SLC17A6: variants seen among roughly 807,000 people sequenced by gnomAD.
The protein encoded by SLC17A6 is vesicular glutamate transporter 2.
A neutral mutation model predicts 67.1 loss-of-function variants in SLC17A6; 35 were observed. That is an observed-to-expected ratio of 0.52 (90% CI 0.40 to 0.69). The LOEUF (loss-of-function observed/expected upper bound fraction) is 0.69, where lower values mean the gene tolerates loss of function less well. Among genes scored for constraint, SLC17A6 ranks in the 30% least tolerant of loss-of-function variants. The pLI is 0.00. For synonymous variants in SLC17A6, 285 were observed against 252.3 expected, an observed-to-expected ratio of 1.13 and a Z score of -1.23; for missense variants, 588 against 723.9, an observed-to-expected ratio of 0.81 and a Z score of 2.15.
At chr11:22,375,204 C>A (rs769454607) in intron 9 of SLC17A6, among the ~76,000 whole-genome samples, 1 of 151,418 alleles carries the variant, frequency 6.6e-6, no homozygotes, top group African/African-American at 2.4e-5. Flanking sequence ...AACCCCATCT[C>A]GACTAAAAAC....
intron 3 of SLC17A6, among the ~76,000 whole-genome samples, chr11:22,344,161 G>A (rs996073679): frequency 2.0e-5 from 3 of 152,140 alleles, no homozygotes; most frequent in Admixed American, 1.3e-4. Context: ...TGCTCTTCAC[G>A]TCTGAATTGT....
chr11:22,365,672 C>T lies in SLC17A6; in HGVS notation c.874C>T (p.Leu292Phe). ...IEESIGESAN[L>F]LGAMEKFKTP... ...AGAAAGCATTGGAGAGAGTGCAAAT[C>T]TTTTAGGTGCAATGGAAGTAAGAAA... Residue 292 changes from leucine (L) to phenylalanine (F), a missense_variant, in exon 7 of 12, where the codon CTT (leucine) becomes TTT (phenylalanine). Around this residue, in one of 4 missense-constraint regions of SLC17A6, gnomAD observed 414 missense variants for 563.4 expected, o/e 0.73. Transcript: ENST00000263160. 6.2e-7 allele frequency: 1 copy of T among 1,613,390 alleles called. No individual in the cohort carries two copies. Among genetic ancestry groups the T allele is most frequent in the Non-Finnish European group, 8.5e-7 (1 of 1,179,644 alleles).
chr11:22,342,986 A>G, intron 2 of SLC17A6: 1 of 564,682 alleles, frequency 1.8e-6, no homozygotes, highest in Non-Finnish European at 3.3e-6. Flanking sequence ...CATTCAGATG[A>G]TTCGATCTGC....
At chr11:22,360,798 G>A (rs1288087846) in intron 4 of SLC17A6, 99 bp from the exon 5 acceptor site, 2 of 905,688 alleles carry the variant, frequency 2.2e-6, no homozygotes, top group Non-Finnish European at 3.4e-6. Flanking sequence ...GAAAATTGAG[G>A]TGGAAGGAAG....
intron 6 of SLC17A6, 136 bp downstream of exon 6, chr11:22,362,961 A>G: frequency 1.5e-6 from 1 of 659,674 alleles, no homozygotes; most frequent in Non-Finnish European, 2.6e-6. Flanking sequence ...GAATCCTTCC[A>G]TTGTATTCTG....
chr11:22,353,573 A>G (rs1031192456), intron 3 of SLC17A6, among the ~76,000 whole-genome samples: 1 of 152,204 alleles, frequency 6.6e-6, no homozygotes, highest in African/African-American at 2.4e-5. Context: ...GTATCATGCT[A>G]TTTAAATGTC....
chr11:22,367,264 G>C (rs577431542), intron 7 of SLC17A6, among the ~76,000 whole-genome samples: 3 of 150,910 alleles, frequency 2.0e-5, no homozygotes, highest in East Asian at 3.9e-4. Context: ...GCCTGTCTTT[G>C]ACATCTCATC....
intron 8 of SLC17A6, among the ~76,000 whole-genome samples, chr11:22,371,190 G>A (rs911131407): frequency 3.9e-5 from 6 of 151,984 alleles, no homozygotes; most frequent in African/African-American, 9.7e-5. Flanking sequence ...TCTGCTCAAT[G>A]CCATCTCTGT....
chr11:22,376,945 T>A (rs1856238634), intron 11 of SLC17A6, among the ~76,000 whole-genome samples: 1 of 152,192 alleles, frequency 6.6e-6, no homozygotes, highest in South Asian at 2.1e-4. Context: ...GTCTCTAGCT[T>A]ATTAAAATAC....
At position 22,376,278 on chromosome 11, in the gene SLC17A6, C is replaced by A. The variant is rs73469718; in HGVS notation, c.1285+186C>A. On this transcript the variant is annotated intron_variant, in intron 10 of 11. Transcript: ENST00000263160. The stretch of plus-strand genomic sequence containing the variant: ...GAGAAAACATTTAGATTTGTTAATA[C>A]TCAATTTCCTCCTGGACTGCCTTTT... 8.7e-3 allele frequency among the ~76,000 whole-genome samples: 1,325 copies of A among 151,978 alleles called. 24 individuals carry two copies. The highest frequency in any genetic ancestry group is 0.03 in the African/African-American group (1,233 of 41,464).
intron 3 of SLC17A6, among the ~76,000 whole-genome samples, chr11:22,352,074 C>T (rs1321334288): frequency 1.4e-5 from 2 of 144,914 alleles, no homozygotes; most frequent in African/African-American, 5.1e-5. Flanking sequence ...TAAGAGGACA[C>T]CTTATCGCCT....
chr11:22,349,893 C>T (rs1590381542), intron 3 of SLC17A6, among the ~76,000 whole-genome samples: 1 of 152,070 alleles, frequency 6.6e-6, no homozygotes, highest in Admixed American at 6.6e-5. Flanking sequence ...TGCTGCAGAC[C>T]CTCCAGGAAA....
In SLC17A6 at chr11:22,362,641, G is replaced by A. The variant is rs1856066075; in HGVS notation, c.662-98G>A. On this transcript the variant is annotated intron_variant, in intron 5 of 11. Coordinates refer to ENST00000263160, the MANE Select transcript of SLC17A6 (RefSeq NM_020346.3). ...GGGTGTGAGGCCCATGTACCTGAGT[G>A]TTCCAGCGTCTGTGTGAATCAACAA... 3.1e-6 allele frequency: 3 copies of A among 966,116 alleles called. No individual in the cohort carries two copies. In the East Asian group the frequency reaches 7.4e-5, roughly 24 times the overall value. 59.8% of individuals were successfully genotyped at this position (966,116 alleles called of 1,614,324 possible). A position where few individuals can be genotyped will look rare whatever the true frequency, so the allele number is the denominator to read the frequency against.
chr11:22,358,751 G>A lies in SLC17A6; in HGVS notation c.459-662G>A, dbSNP rs927748405. 8.5e-5 allele frequency among the ~76,000 whole-genome samples: 13 copies of A among 152,230 alleles called. No individual in the cohort carries two copies. In the East Asian group the frequency reaches 2.5e-3, roughly 29 times the overall value. ...TTGAATGGTTGTATGTAGGCTGCTC[G>A]AGATGTGTCTCAAACAGAAGAAAAA... On this transcript the variant is annotated intron_variant, in intron 3 of 11. Coordinates refer to ENST00000263160, the MANE Select transcript of SLC17A6 (RefSeq NM_020346.3).
chr11:22,365,735 G>A (rs200666336), intron 7 of SLC17A6, 46 bp downstream of exon 7: 22 of 1,558,170 alleles, frequency 1.4e-5, no homozygotes, highest in East Asian at 1.2e-4. Context: ...TTCCCATCTC[G>A]CCCCCATTGA....
intron 8 of SLC17A6, among the ~76,000 whole-genome samples, chr11:22,372,755 C>T (rs1856188930): frequency 6.6e-6 from 1 of 152,178 alleles, no homozygotes; most frequent in East Asian, 1.9e-4. Context: ...AACATTTATC[C>T]TAGCCTTGCA....
At position 22,377,628 on chromosome 11, in the gene SLC17A6, C is replaced by T. The variant is rs1856246532; in HGVS notation, c.1637C>T (p.Ala546Val). 1.3e-5 allele frequency: 21 copies of T among 1,613,880 alleles called. No homozygotes were observed. Among genetic ancestry groups the T allele is most frequent in the Non-Finnish European group, 1.6e-5 (19 of 1,179,974 alleles). ...TATGGTACCACCAAGTCTTATGGTG[C>T]CACAACACAGGCCAATGGAGGTTGG... ...INYGTTKSYG[A>V]TTQANGGWPS... Residue 546 changes from alanine (A) to valine (V), a missense_variant, in exon 12 of 12, where the codon GCC becomes GTC. Ala to Val is a moderately conservative substitution (Grantham distance 64). This residue lies in a region of SLC17A6 where 414 missense variants were observed against 563.4 expected (regional missense o/e 0.73). Transcript: ENST00000263160.
At chr11:22,347,124 G>A (rs1211102143) in intron 3 of SLC17A6, among the ~76,000 whole-genome samples, 1 of 151,288 alleles carries the variant, frequency 6.6e-6, no homozygotes, top group Non-Finnish European at 1.5e-5. Flanking sequence ...TCTAATGGTA[G>A]TTTTGCCCAT....
chr11:22,340,324 A>G (rs1300088745), intron 1 of SLC17A6, among the ~76,000 whole-genome samples: 1 of 152,238 alleles, frequency 6.6e-6, no homozygotes, highest in East Asian at 1.9e-4. Flanking sequence ...CAGAGATGTT[A>G]CCTTATACAT....
Sources: gnomAD v4.1 joint callset for allele counts (sites outside exome capture counted in the v4.1 genomes callset) on GRCh38, gnomAD v4.1.1 for gene constraint, gnomAD v4.1.1 regional missense constraint, MANE v1.5 for transcripts, NCBI Gene and HGNC (gene_info 2026-07-23, HGNC 2026-07-21) for gene names.